The following EYA2 variants were observed in gnomAD, a reference collection of about 807,000 sequenced individuals.
EYA2 encodes protein phosphatase EYA2.
EYA2 carries 31 observed loss-of-function variants against 69.2 expected under a neutral mutation model. The ratio of observed to expected loss-of-function variants is 0.45; its 90% CI spans 0.34 to 0.60. The LOEUF (loss-of-function observed/expected upper bound fraction) is 0.60, where lower values mean the gene tolerates loss of function less well. Among genes scored for constraint, EYA2 ranks in the 20% least tolerant of loss-of-function variants. The pLI, the probability that EYA2 is intolerant of heterozygous loss-of-function variation, is 0.02. For synonymous variants in EYA2, 257 were observed against 279.4 expected (o/e 0.92, Z 0.80); for missense variants, 622 against 701.2 (o/e 0.89, Z 1.28).
intron 10 of EYA2, among the ~76,000 whole-genome samples, chr20:47,157,549 C>G (rs564687842): frequency 3.5e-4 from 51 of 146,288 alleles, no homozygotes; most frequent in Non-Finnish European, 7.5e-4. Context: ...AGAGAGAGAT[C>G]AATAAACAAC....
At chr20:47,182,288 T>A (rs2034551826) in intron 14 of EYA2, among the ~76,000 whole-genome samples, 1 of 151,612 alleles carries the variant, frequency 6.6e-6, no homozygotes, top group Non-Finnish European at 1.5e-5. Context: ...ATGCTGGGAT[T>A]ACAGGCATGA....
intron 12 of EYA2, among the ~76,000 whole-genome samples, chr20:47,174,228 T>C (rs1481962961): frequency 1.3e-5 from 2 of 152,182 alleles, no homozygotes; most frequent in Non-Finnish European, 2.9e-5. Flanking sequence ...CCTCCATTCC[T>C]AGAAAGAATA....
At chr20:46,954,723 C>T (rs1979011458) in intron 1 of EYA2, among the ~76,000 whole-genome samples, 1 of 152,190 alleles carries the variant, frequency 6.6e-6, no homozygotes, top group Non-Finnish European at 1.5e-5. Flanking sequence ...CGATAGCCAC[C>T]TCTCCTCACA....
intron 10 of EYA2, among the ~76,000 whole-genome samples, chr20:47,148,932 C>G (rs2033763342): frequency 6.6e-6 from 1 of 152,032 alleles, no homozygotes; most frequent in Admixed American, 6.5e-5. Flanking sequence ...GCAGGGACCC[C>G]TTAGGTTTTG....
At chr20:46,942,829 G>A (rs1986211119) in intron 1 of EYA2, among the ~76,000 whole-genome samples, 2 of 152,292 alleles carry the variant, frequency 1.3e-5, no homozygotes, top group Middle Eastern at 3.4e-3. Context: ...GCAATGGCAC[G>A]ATCTCGGCTC....
intron 8 of EYA2, among the ~76,000 whole-genome samples, chr20:47,095,391 A>G (rs1020692501): frequency 6.6e-6 from 1 of 152,090 alleles, no homozygotes; most frequent in African/African-American, 2.4e-5. Flanking sequence ...CAAAAAGAAA[A>G]CAGTAGAAAA....
chr20:47,098,400 T>C (rs1298292343), intron 9 of EYA2, among the ~76,000 whole-genome samples: 1 of 152,222 alleles, frequency 6.6e-6, no homozygotes, highest in Non-Finnish European at 1.5e-5. Flanking sequence ...ACCACTCCTG[T>C]AAAGTCACCT....
chr20:47,151,068 C>A (rs2033813076), intron 10 of EYA2, among the ~76,000 whole-genome samples: 3 of 152,106 alleles, frequency 2.0e-5, no homozygotes, highest in East Asian at 3.9e-4. Context: ...GAACATGTCA[C>A]CTGCTTAAAA....
chr20:47,100,793 A>G (rs1600709260), intron 9 of EYA2, among the ~76,000 whole-genome samples: 2 of 152,260 alleles, frequency 1.3e-5, no homozygotes, highest in Non-Finnish European at 2.9e-5. Context: ...TGCTAAATCT[A>G]GCAACCTTCA....
At chr20:47,062,708 C>A (rs2030939087) in intron 5 of EYA2, among the ~76,000 whole-genome samples, 1 of 152,170 alleles carries the variant, frequency 6.6e-6, no homozygotes, top group African/African-American at 2.4e-5. Flanking sequence ...CTTGTCCTCC[C>A]TCTGTCCAGA....
At chr20:47,102,652 T>C (rs1285986343) in intron 9 of EYA2, among the ~76,000 whole-genome samples, 1 of 152,208 alleles carries the variant, frequency 6.6e-6, no homozygotes, top group Non-Finnish European at 1.5e-5. Context: ...GAAACTGGGC[T>C]CCCGTTCTGT....
intron 1 of EYA2, among the ~76,000 whole-genome samples, chr20:46,907,116 C>T (rs184879303): frequency 7.6e-4 from 115 of 152,138 alleles, no homozygotes; most frequent in South Asian, 5.6e-3. Flanking sequence ...TTGAAGACCA[C>T]GAGACACACA....
intron 1 of EYA2, among the ~76,000 whole-genome samples, chr20:46,987,958 CTCTCTCTA>C (rs1213587712): frequency 1.2e-4 from 4 of 33,776 alleles, no homozygotes; most frequent in Admixed American, 7.7e-4. Flanking sequence ...CTCTCTCTCT[CTCTCTCTA>C]TATATATATA....
At chr20:46,999,761 A>G (rs1025538088) in intron 2 of EYA2, among the ~76,000 whole-genome samples, 1 of 152,172 alleles carries the variant, frequency 6.6e-6, no homozygotes, top group South Asian at 2.1e-4. Context: ...TTGGACTCAC[A>G]CAGCTTTTGG....
intron 5 of EYA2, among the ~76,000 whole-genome samples, chr20:47,057,013 TC>T (rs1199228713): frequency 7.0e-6 from 1 of 142,164 alleles, no homozygotes; most frequent in African/African-American, 2.6e-5. Flanking sequence ...ACGTCTACAC[TC>T]CAGCCTGGGT....
intron 6 of EYA2, among the ~76,000 whole-genome samples, chr20:47,072,748 G>A (rs1209118067): frequency 6.6e-6 from 1 of 152,176 alleles, no homozygotes; most frequent in Non-Finnish European, 1.5e-5. Context: ...CTTACAAAGT[G>A]AATTAAGAGT....
chr20:47,046,617 G>A (rs1293623579), intron 5 of EYA2, among the ~76,000 whole-genome samples: 1 of 152,160 alleles, frequency 6.6e-6, no homozygotes, highest in Admixed American at 6.5e-5. Context: ...CTGGGTCCAA[G>A]CCCTCCTAGC....
intron 1 of EYA2, among the ~76,000 whole-genome samples, chr20:46,898,411 AC>A (rs1822761654): frequency 6.6e-6 from 1 of 151,782 alleles, no homozygotes; most frequent in Admixed American, 6.6e-5. Flanking sequence ...ACACACACAC[AC>A]ACACACACAC....
At chr20:46,955,368 G>A (rs1257141398) in intron 1 of EYA2, among the ~76,000 whole-genome samples, 1 of 152,146 alleles carries the variant, frequency 6.6e-6, no homozygotes, top group East Asian at 1.9e-4. Flanking sequence ...GGCACTTAGA[G>A]AATCTGAATA....
Sources: gnomAD v4.1 joint callset for allele counts (sites outside exome capture counted in the v4.1 genomes callset) on GRCh38, gnomAD v4.1.1 for gene constraint, MANE v1.5 for transcripts, NCBI Gene and HGNC (gene_info 2026-07-23, HGNC 2026-07-21) for gene names.